KCNIP4: variants seen among roughly 807,000 people sequenced by gnomAD.
KCNIP4 encodes the protein potassium voltage-gated channel interacting protein 4.
A neutral mutation model predicts 34.0 loss-of-function variants in KCNIP4; 12 were observed. The ratio of observed to expected loss-of-function variants is 0.35; its 90% CI spans 0.23 to 0.57. The LOEUF is 0.57. KCNIP4 is among the 20% of genes least tolerant of loss of function. The pLI is 0.83. For missense variants in KCNIP4, 238 were observed against 311.7 expected (o/e 0.76, Z 1.78); for synonymous variants, 124 against 102.2 (o/e 1.21, Z -1.29).
chr4:21,385,553 A>T (rs972428285), intron 1 of KCNIP4, among the ~76,000 whole-genome samples: 3 of 152,218 alleles, frequency 2.0e-5, no homozygotes, highest in Admixed American at 2.0e-4. Flanking sequence ...TCAATTTCTT[A>T]ATCTCCATAA....
intron 1 of KCNIP4, among the ~76,000 whole-genome samples, chr4:21,063,428 C>A (rs938509746): frequency 1.3e-5 from 2 of 152,084 alleles, no homozygotes; most frequent in African/African-American, 4.8e-5. Flanking sequence ...TTCTTGATAT[C>A]TTTTTATCAG....
At chr4:21,693,251 T>G (rs1711882295) in intron 1 of KCNIP4, among the ~76,000 whole-genome samples, 1 of 152,034 alleles carries the variant, frequency 6.6e-6, no homozygotes, top group African/African-American at 2.4e-5. Flanking sequence ...TTCAAAAATG[T>G]AGTATAAAAA....
chr4:21,688,941 C>G, intron 1 of KCNIP4, among the ~76,000 whole-genome samples: 1 of 151,894 alleles, frequency 6.6e-6, no homozygotes. Flanking sequence ...ATTGTCCTTG[C>G]CTAAAATTGT....
chr4:21,524,239 T>C (rs1021277245), intron 1 of KCNIP4, among the ~76,000 whole-genome samples: 2 of 152,110 alleles, frequency 1.3e-5, no homozygotes, highest in Non-Finnish European at 2.9e-5. Flanking sequence ...TGGTTAACAG[T>C]GTCTATCATT....
At chr4:20,948,729 C>T (rs757438152) in intron 1 of KCNIP4, among the ~76,000 whole-genome samples, 4 of 152,160 alleles carry the variant, frequency 2.6e-5, no homozygotes, top group African/African-American at 7.2e-5. Flanking sequence ...TGTTCAAAAA[C>T]TGTATTATTG....
rs181867794 is a variant in KCNIP4, at chr4:21,946,236, C to T, written c.61+2335G>A. On this transcript the variant is annotated intron_variant, in intron 1 of 8. Transcript: ENST00000382152. ...ATACATACACGTACGCACACAGACT[C>T]ACACTTCTCTAATTCTTGATTTCTC... is the stretch of plus-strand genomic sequence containing the variant. 1.6e-4 allele frequency among the ~76,000 whole-genome samples: 25 copies of T among 152,020 alleles called. No homozygotes were observed. The Middle Eastern group carries it at 0.01, about 62-fold the overall frequency.
chr4:21,372,721 T>A (rs921083435), intron 1 of KCNIP4, among the ~76,000 whole-genome samples: 1 of 146,612 alleles, frequency 6.8e-6, no homozygotes, highest in Admixed American at 6.6e-5. Flanking sequence ...TGAAATCTCA[T>A]CCTTTAATCC....
At chr4:21,643,916 A>ATAGATAGG (rs199679520) in intron 1 of KCNIP4, among the ~76,000 whole-genome samples, 5 of 139,694 alleles carry the variant, frequency 3.6e-5, no homozygotes, top group Non-Finnish European at 7.6e-5. Context: ...AGATAGATAG[A>ATAGATAGG]CTGGCAGAAA....
At chr4:21,253,735 T>G (rs1760875173) in intron 1 of KCNIP4, among the ~76,000 whole-genome samples, 1 of 152,204 alleles carries the variant, frequency 6.6e-6, no homozygotes, top group Non-Finnish European at 1.5e-5. Context: ...CACACAGAGA[T>G]GTTTTATGAG....
At chr4:21,924,243 C>CTTTTTT (rs67541105) in intron 1 of KCNIP4, among the ~76,000 whole-genome samples, 1 of 107,564 alleles carries the variant, frequency 9.3e-6, no homozygotes, top group African/African-American at 3.7e-5. Flanking sequence ...GAATATATTT[C>CTTTTTT]TTTTTTTTTT....
At chr4:21,076,652 C>T (rs902300066) in intron 1 of KCNIP4, among the ~76,000 whole-genome samples, 5 of 152,094 alleles carry the variant, frequency 3.3e-5, no homozygotes, top group African/African-American at 9.7e-5. Context: ...GCCAACAATT[C>T]GTATGTTAAT....
chr4:21,874,288 T>C (rs1365445726), intron 1 of KCNIP4, among the ~76,000 whole-genome samples: 1 of 152,234 alleles, frequency 6.6e-6, no homozygotes, highest in Non-Finnish European at 1.5e-5. Flanking sequence ...TTCTCTAAAT[T>C]GCTAAATGTA....
At chr4:21,035,726 A>G (rs746726342) in intron 1 of KCNIP4, among the ~76,000 whole-genome samples, 14 of 152,286 alleles carry the variant, frequency 9.2e-5, no homozygotes, top group South Asian at 2.1e-4. Context: ...TGCTCTGCTC[A>G]TATTCCCTGA....
intron 1 of KCNIP4, among the ~76,000 whole-genome samples, chr4:20,902,766 C>T (rs999447754): frequency 1.3e-5 from 2 of 152,128 alleles, no homozygotes; most frequent in African/African-American, 4.8e-5. Context: ...ATAATCCACC[C>T]TCCTTGGCCT....
chr4:20,908,685 A>G (rs1393474136), intron 1 of KCNIP4, among the ~76,000 whole-genome samples: 2 of 152,166 alleles, frequency 1.3e-5, no homozygotes, highest in African/African-American at 4.8e-5. Context: ...TTCCCCTGAT[A>G]TCCCTGTTAC....
intron 1 of KCNIP4, among the ~76,000 whole-genome samples, chr4:21,633,346 A>G (rs1489427343): frequency 2.0e-5 from 3 of 152,126 alleles, no homozygotes; most frequent in Non-Finnish European, 4.4e-5. Context: ...GGATTTGGCC[A>G]TAAAACCCAG....
At chr4:21,594,123 A>T (rs1178025856) in intron 1 of KCNIP4, among the ~76,000 whole-genome samples, 1 of 152,150 alleles carries the variant, frequency 6.6e-6, no homozygotes, top group Non-Finnish European at 1.5e-5. Flanking sequence ...TGTAATTTAA[A>T]ATAACTCCTC....
At chr4:21,943,855 T>A (rs983596972) in intron 1 of KCNIP4, among the ~76,000 whole-genome samples, 1 of 151,396 alleles carries the variant, frequency 6.6e-6, no homozygotes, top group Non-Finnish European at 1.5e-5. Context: ...GTGGTAGAAA[T>A]GGAAATTGAA....
intron 1 of KCNIP4, among the ~76,000 whole-genome samples, chr4:21,636,290 T>TAAA (rs369967095): frequency 3.9e-5 from 5 of 126,730 alleles, no homozygotes; most frequent in Non-Finnish European, 8.5e-5. Flanking sequence ...TAAAGTATAA[T>TAAA]AAAAAAAAAG....
Sources: allele counts gnomAD v4.1 joint callset (sites outside exome capture counted in the v4.1 genomes callset), GRCh38; gene constraint gnomAD v4.1.1; transcripts MANE v1.5; gene names NCBI Gene and HGNC (gene_info 2026-07-23, HGNC 2026-07-21).